LRRC4C: variants seen among roughly 807,000 people sequenced by gnomAD.
LRRC4C encodes the protein leucine rich repeat containing 4C.
In LRRC4C, 5 loss-of-function variants were observed where a neutral mutation model predicts 33.6. The observed-to-expected ratio is 0.15, with a 90% CI of 0.08 to 0.31. The LOEUF (loss-of-function observed/expected upper bound fraction) is 0.31, where lower values mean the gene tolerates loss of function less well. Among genes scored for constraint, LRRC4C ranks in the 10% least tolerant of loss-of-function variants. LRRC4C has a pLI of 1.00. For missense variants in LRRC4C, 560 were observed against 796.7 expected (o/e 0.70, Z 3.58); for synonymous variants, 329 against 302.0 (o/e 1.09, Z -0.93).
chr11:40,549,077 T>C (rs951634100), intron 3 of LRRC4C, among the ~76,000 whole-genome samples: 16 of 152,182 alleles, frequency 1.1e-4, no homozygotes, highest in African/African-American at 3.6e-4. Flanking sequence ...AAAATATCTA[T>C]GGCTAAATGG....
At chr11:41,031,981 A>G (rs1856756739) in intron 1 of LRRC4C, among the ~76,000 whole-genome samples, 1 of 152,024 alleles carries the variant, frequency 6.6e-6, no homozygotes, top group African/African-American at 2.4e-5. Flanking sequence ...GTCTTCACAA[A>G]ATTTCCTTGT....
At chr11:40,360,641 A>C (rs1446789739) in intron 3 of LRRC4C, among the ~76,000 whole-genome samples, 1 of 152,140 alleles carries the variant, frequency 6.6e-6, no homozygotes, top group Non-Finnish European at 1.5e-5. Flanking sequence ...CCAGGAGAGC[A>C]CAAAGGGGAG....
At chr11:41,204,818 T>G (rs1362070096) in intron 1 of LRRC4C, among the ~76,000 whole-genome samples, 5 of 152,120 alleles carry the variant, frequency 3.3e-5, no homozygotes, top group Non-Finnish European at 7.4e-5. Context: ...TATTGTACCT[T>G]CAAAATGTCA....
intron 1 of LRRC4C, among the ~76,000 whole-genome samples, chr11:41,372,738 A>G (rs1212152028): frequency 3.3e-5 from 5 of 151,814 alleles, no homozygotes; most frequent in African/African-American, 1.2e-4. Flanking sequence ...GAGGTAATAA[A>G]AAAGAATGAA....
chr11:41,391,749 CACA>C (rs1953605647), intron 1 of LRRC4C, among the ~76,000 whole-genome samples: 2 of 151,814 alleles, frequency 1.3e-5, no homozygotes, highest in South Asian at 2.1e-4. Flanking sequence ...AAAAAGTAAA[CACA>C]TATTTAGATA....
At chr11:40,556,643 TTC>T (rs1230010312) in intron 3 of LRRC4C, among the ~76,000 whole-genome samples, 34 of 152,174 alleles carry the variant, frequency 2.2e-4, no homozygotes, top group Admixed American at 2.2e-3. Context: ...TACCAGGCAG[TTC>T]TGGCTCTCTC....
Position 40,589,675 on chromosome 11 carries a change from G to A in LRRC4C, c.-270+58467C>T, listed in dbSNP as rs1482050601. ...GGAGCTCTTTTAGGGCAGGCCTGGT[G>A]GTGACAAAATCTCTCAGCATTTGCT... is the stretch of plus-strand genomic sequence containing the variant. On this transcript the variant is annotated intron_variant, in intron 3 of 6. Transcript: ENST00000528697. Among the ~76,000 whole-genome samples, 26 of 151,626 alleles carry A rather than the reference G, an allele frequency of 1.7e-4. No homozygotes were observed. In the East Asian group the frequency reaches 4.9e-3, roughly 28 times the overall value.
rs59809940 is a variant in LRRC4C, at chr11:40,313,701, G to A, written c.-176+5927C>T. On this transcript the variant is annotated intron_variant, in intron 4 of 6. Transcript: ENST00000528697. ...CGGCTCACTGCAAGCTCCACCTTCC[G>A]GGTTCACGCCATTCTCTTGCCTCAG... 6.9e-3 allele frequency among the ~76,000 whole-genome samples: 1,027 copies of A among 149,072 alleles called. 21 individuals carry two copies. The highest frequency in any genetic ancestry group is 0.024 in the African/African-American group (963 of 39,948).
chr11:41,097,554 A>T (rs1479557054), intron 1 of LRRC4C, among the ~76,000 whole-genome samples: 1 of 152,176 alleles, frequency 6.6e-6, no homozygotes, highest in East Asian at 1.9e-4. Context: ...ATAGTGACCT[A>T]TGGAGAAACC....
chr11:40,201,035 G>GT (rs1433125271), intron 5 of LRRC4C, among the ~76,000 whole-genome samples: 1 of 152,172 alleles, frequency 6.6e-6, no homozygotes, highest in Admixed American at 6.5e-5. Context: ...TAGTGTGTGT[G>GT]TTTATGTGAT....
chr11:40,697,840 C>T (rs892360258), intron 2 of LRRC4C, among the ~76,000 whole-genome samples: 18 of 151,954 alleles, frequency 1.2e-4, no homozygotes, highest in Admixed American at 6.6e-4. Flanking sequence ...GAGGCCAAGG[C>T]GGGTGGATCA....
rs1219296884 is a variant in LRRC4C, at chr11:40,450,179, C to T, written c.-269-130458G>A. Among the ~76,000 whole-genome samples the T allele has an allele frequency of 1.4e-4, 22 of 152,084 alleles. 1 individual carries two copies. The highest frequency in any genetic ancestry group is 4.2e-4 in the South Asian group (2 of 4,814). On this transcript the variant is annotated intron_variant, in intron 3 of 6. Coordinates refer to ENST00000528697, the MANE Select transcript of LRRC4C (RefSeq NM_001258419.2). Reference sequence around the variant, plus strand: ...ACTCACTAAATATGCCCTTCCCTCCCGCATCTCCTCTTGTCAATATTTATG... The same window carrying T: ...ACTCACTAAATATGCCCTTCCCTCCTGCATCTCCTCTTGTCAATATTTATG...
intron 1 of LRRC4C, among the ~76,000 whole-genome samples, chr11:41,373,502 A>G (rs1011758431): frequency 6.6e-6 from 1 of 152,156 alleles, no homozygotes; most frequent in Non-Finnish European, 1.5e-5. Context: ...AATGTTTGGG[A>G]GTCTGTGTTG....
chr11:41,349,578 C>T (rs114814007), intron 1 of LRRC4C, among the ~76,000 whole-genome samples: 1,704 of 152,170 alleles, frequency 0.011, 33 homozygotes, highest in African/African-American at 0.038. Flanking sequence ...CTGAAATCAT[C>T]CAGAAATGGA....
chr11:40,678,266 G>A (rs1944509072), intron 2 of LRRC4C, among the ~76,000 whole-genome samples: 1 of 151,956 alleles, frequency 6.6e-6, no homozygotes, highest in Admixed American at 6.6e-5. Context: ...CTACCCAGTA[G>A]GTAGAATTTC....
chr11:40,892,620 A>G (rs1210005124), intron 2 of LRRC4C, among the ~76,000 whole-genome samples: 1 of 152,220 alleles, frequency 6.6e-6, no homozygotes, highest in Non-Finnish European at 1.5e-5. Context: ...AAAGGAATGG[A>G]ATTTTGATAT....
chr11:41,236,229 T>C (rs1948016757), intron 1 of LRRC4C, among the ~76,000 whole-genome samples: 1 of 152,078 alleles, frequency 6.6e-6, no homozygotes, highest in Admixed American at 6.6e-5. Flanking sequence ...ACTAAGAATG[T>C]CAGAGCAAAA....
chr11:41,117,722 C>T (rs1191928872), intron 1 of LRRC4C, among the ~76,000 whole-genome samples: 2 of 152,130 alleles, frequency 1.3e-5, no homozygotes, highest in South Asian at 2.1e-4. Flanking sequence ...TCTTTTGCCC[C>T]TACCCTCCAA....
At chr11:40,927,479 AC>A (rs1274365085) in intron 2 of LRRC4C, among the ~76,000 whole-genome samples, 6 of 152,208 alleles carry the variant, frequency 3.9e-5, no homozygotes, top group Non-Finnish European at 7.4e-5. Context: ...AGTTTGTGGT[AC>A]CAATAAACCC....
Sources: gnomAD v4.1 joint callset for allele counts (sites outside exome capture counted in the v4.1 genomes callset) on GRCh38, gnomAD v4.1.1 for gene constraint, MANE v1.5 for transcripts, NCBI Gene and HGNC (gene_info 2026-07-23, HGNC 2026-07-21) for gene names.